AKAP11: variants seen among roughly 807,000 people sequenced by gnomAD.
AKAP11 encodes A-kinase anchor protein 11.
AKAP11 carries 36 observed loss-of-function variants against 146.1 expected under a neutral mutation model. The ratio of observed to expected loss-of-function variants is 0.25; its 90% confidence interval spans 0.19 to 0.33. The LOEUF (loss-of-function observed/expected upper bound fraction) is 0.33. AKAP11 is among the 10% of genes least tolerant of loss of function. The probability of loss-of-function intolerance (pLI) is 1.00; values close to 1 mark genes in which losing one functional copy is unlikely to be tolerated. For synonymous variants in AKAP11, 780 were observed against 786.5 expected, an observed-to-expected ratio of 0.99 and a Z score of 0.14; for missense variants, 2,201 against 2,197.0, an observed-to-expected ratio of 1.00 and a Z score of -0.04.
chr13:42,298,869 G>C (rs529630203), intron 7 of AKAP11, 72 bp downstream of exon 7: 27 of 1,436,820 alleles, frequency 1.9e-5, no homozygotes, highest in Non-Finnish European at 2.5e-5. Flanking sequence ...TTTAAGGCAG[G>C]CTTGTTCAGT....
intron 8 of AKAP11, among the ~76,000 whole-genome samples, chr13:42,307,490 A>G (rs1196374928): frequency 6.6e-6 from 1 of 152,156 alleles, no homozygotes; most frequent in Non-Finnish European, 1.5e-5. Flanking sequence ...GCTGGTTTAC[A>G]GTTTTGGATA....
At chr13:42,287,487 T>G (rs1407387969) in intron 3 of AKAP11, among the ~76,000 whole-genome samples, 1 of 152,034 alleles carries the variant, frequency 6.6e-6, no homozygotes, top group Non-Finnish European at 1.5e-5. Context: ...GGTTTCACCG[T>G]GTTAGCCAGG....
Position 42,302,814 on chromosome 13 carries a change from A to G in AKAP11, c.4068A>G (p.Glu1356=), listed in dbSNP as rs768188790. 33 of 1,614,018 alleles carry G rather than the reference A, an allele frequency of 2.0e-5. No homozygotes were observed. Among genetic ancestry groups the G allele is most frequent in the Non-Finnish European group, 2.4e-5 (28 of 1,180,032 alleles). The change falls in exon 8 of 13, where the codon GAA becomes GAG. Residue 1356 remains glutamate, a synonymous_variant. Coordinates refer to ENST00000025301, the MANE Select transcript of AKAP11 (RefSeq NM_016248.4). ...AGHLIQILKQ[E]GGNSELIMDQ... ...ACCTTATTCAGATACTAAAACAGGA[A>G]GGTGGTAATAGTGAGTTGATAATGG...
rs781618594 is a variant in AKAP11 at position 42,320,896 on chromosome 13, G to A, written c.*1668G>A. Reference sequence around the variant, plus strand: ...GCCAAAAGCTATTTAAATAATTCGAGGTTACATCGTAGGTTTTGATTTTTC... The same window carrying A: ...GCCAAAAGCTATTTAAATAATTCGAAGTTACATCGTAGGTTTTGATTTTTC... On this transcript the variant is annotated 3_prime_UTR_variant, in exon 13 of 13. Transcript: ENST00000025301. The A allele has an allele frequency of 8.5e-5, 13 of 152,238 alleles. No homozygotes were observed. The highest frequency in any genetic ancestry group is 1.9e-4 in the East Asian group (1 of 5,326). The allele number at this position is 152,238 out of a possible 1,614,324, so 9.4% of individuals were successfully genotyped here.
chr13:42,288,852 G>T (rs1278923970), intron 3 of AKAP11, among the ~76,000 whole-genome samples: 1 of 151,998 alleles, frequency 6.6e-6, no homozygotes, highest in Non-Finnish European at 1.5e-5. Context: ...CCTCTCCCTT[G>T]TATATTTCAC....
chr13:42,300,486 G>A lies in AKAP11; in HGVS notation c.1740G>A (p.Leu580=). ...GAGTCTCTTCATGTACCAATGCTTT[G>A]TACCACTTAGCCATCAAATTGACAT... ...QKGVSSCTNA[L]YHLAIKLTSS... is the part of the protein sequence containing the mutation. The change falls in exon 8 of 13, where the codon TTG becomes TTA. Residue 580 remains leucine (L), a synonymous_variant. Transcript: ENST00000025301. The A allele has an allele frequency of 2.5e-6, 4 of 1,614,050 alleles. No homozygotes were observed. Among genetic ancestry groups the A allele is most frequent in the East Asian group, 2.2e-5 (1 of 44,894 alleles).
intron 8 of AKAP11, among the ~76,000 whole-genome samples, chr13:42,306,850 TTTG>T (rs1165703397): frequency 2.6e-5 from 4 of 152,188 alleles, no homozygotes; most frequent in Admixed American, 6.5e-5. Flanking sequence ...TTCATTTTTG[TTTG>T]TTGTTGTTTG....
intron 11 of AKAP11, among the ~76,000 whole-genome samples, chr13:42,316,812 A>G (rs1257736698): frequency 6.6e-6 from 1 of 152,218 alleles, no homozygotes; most frequent in East Asian, 1.9e-4. Flanking sequence ...AGCTTAGAAC[A>G]ATACTTAGGA....
At chr13:42,311,716 TAG>T (rs1418370561) in intron 9 of AKAP11, among the ~76,000 whole-genome samples, 8 of 152,258 alleles carry the variant, frequency 5.3e-5, no homozygotes. Context: ...TAGAAGTAAA[TAG>T]AGTGTTTGAG....
At chr13:42,293,863 T>TTC (rs1273721518) in intron 4 of AKAP11, among the ~76,000 whole-genome samples, 1 of 152,228 alleles carries the variant, frequency 6.6e-6, no homozygotes, top group Non-Finnish European at 1.5e-5. Flanking sequence ...TCTCTGAGTA[T>TTC]CTTTTCAAAT....
chr13:42,297,638 TG>T (rs1959596287), intron 6 of AKAP11, among the ~76,000 whole-genome samples: 2 of 152,110 alleles, frequency 1.3e-5, no homozygotes, highest in South Asian at 4.1e-4. Flanking sequence ...TAAATAAAAA[TG>T]TTACCATTTC....
chr13:42,283,074 C>T (rs1254854314), intron 1 of AKAP11, among the ~76,000 whole-genome samples: 1 of 152,158 alleles, frequency 6.6e-6, no homozygotes, highest in African/African-American at 2.4e-5. Context: ...ATCCTTTCTT[C>T]CCCCATCAAT....
Position 42,320,348 on chromosome 13 carries a change from C to T in AKAP11, c.*1120C>T, listed in dbSNP as rs1364609210. 1 of 139,504 alleles carries T rather than the reference C, an allele frequency of 7.2e-6. No individual in the cohort carries two copies. The highest frequency in any genetic ancestry group is 2.2e-4 in the East Asian group (1 of 4,474). 8.6% of individuals were successfully genotyped at this position (139,504 alleles called of 1,614,324 possible). A position where few individuals can be genotyped will look rare whatever the true frequency, so the allele number is the denominator to read the frequency against. On this transcript the variant is annotated 3_prime_UTR_variant, in exon 13 of 13. Coordinates refer to ENST00000025301, the MANE Select transcript of AKAP11 (RefSeq NM_016248.4). ...CCCACCCAGATAAACTATATCTACA[C>T]TGTCTCGTCAAGTTCTCTGACACGA...
intron 9 of AKAP11, among the ~76,000 whole-genome samples, chr13:42,311,594 C>A (rs1240037663): frequency 6.6e-6 from 1 of 151,428 alleles, no homozygotes; most frequent in Admixed American, 6.6e-5. Flanking sequence ...CTTCGTTTAG[C>A]TGTTTTTTTT....
chr13:42,276,561 A>G (rs930259229), intron 1 of AKAP11, among the ~76,000 whole-genome samples: 1 of 152,106 alleles, frequency 6.6e-6, no homozygotes. Context: ...GGATATTCCT[A>G]TGTTGATATA....
intron 11 of AKAP11, among the ~76,000 whole-genome samples, chr13:42,316,442 A>G (rs1960824565): frequency 6.6e-6 from 1 of 152,228 alleles, no homozygotes; most frequent in Admixed American, 6.5e-5. Context: ...ATATTGGCCC[A>G]TAAGTCATTA....
intron 3 of AKAP11, among the ~76,000 whole-genome samples, chr13:42,289,097 T>G (rs1222485138): frequency 3.9e-5 from 6 of 152,124 alleles, no homozygotes; most frequent in Admixed American, 3.9e-4. Flanking sequence ...GCAAATATCC[T>G]TTTTTTCCCC....
At position 42,300,240 on chromosome 13, in the gene AKAP11, A is replaced by G. The variant is rs1351241433; in HGVS notation, c.1494A>G (p.Glu498=). 1 of 1,613,996 alleles carries G rather than the reference A, an allele frequency of 6.2e-7. No individual in the cohort carries two copies. The highest frequency in any genetic ancestry group is 1.7e-5 in the Admixed American group (1 of 60,006). Residue 498 remains glutamate, a synonymous_variant, in exon 8 of 13, where the codon GAA becomes GAG. Transcript: ENST00000025301. ...YEDYAKSISC[E]VLGSVLRTHH... ...ACTATGCAAAAAGCATTTCATGTGAAGTACTAGGCTCAGTTCTTCGTACCC... is the reference window on the plus strand; with the variant it reads ...ACTATGCAAAAAGCATTTCATGTGAGGTACTAGGCTCAGTTCTTCGTACCC...
intron 1 of AKAP11, among the ~76,000 whole-genome samples, chr13:42,281,871 G>T (rs557952714): frequency 6.6e-6 from 1 of 152,210 alleles, no homozygotes. Flanking sequence ...CCACTTGCAT[G>T]GGTGACCACT....
Sources: allele counts gnomAD v4.1 joint callset (sites outside exome capture counted in the v4.1 genomes callset), GRCh38; gene constraint gnomAD v4.1.1; transcripts MANE v1.5; gene names NCBI Gene and HGNC (gene_info 2026-07-23, HGNC 2026-07-21).